GRIK4: variants seen among roughly 807,000 people sequenced by gnomAD.
GRIK4 encodes glutamate ionotropic receptor kainate type subunit 4, also known as glutamate receptor ionotropic, kainate 4.
A neutral mutation model predicts 104.9 loss-of-function variants in GRIK4; 40 were observed. The observed-to-expected ratio is 0.38, with a 90% CI of 0.30 to 0.50. GRIK4 has a LOEUF of 0.50. Ranked by LOEUF, GRIK4 falls within the 20% of genes least tolerant of loss-of-function variation. The pLI, the probability that GRIK4 is intolerant of heterozygous loss-of-function variation, is 0.93. For synonymous variants in GRIK4, 485 were observed against 524.9 expected, an observed-to-expected ratio of 0.92 and a Z score of 1.04; for missense variants, 1,047 against 1,308.1, an observed-to-expected ratio of 0.80 and a Z score of 3.08.
intron 2 of GRIK4, among the ~76,000 whole-genome samples, chr11:120,655,166 G>A (rs1565275440): frequency 6.6e-6 from 1 of 152,058 alleles, no homozygotes; most frequent in Non-Finnish European, 1.5e-5. Context: ...TAGGTAGGAT[G>A]TGTGTCCCAG....
intron 9 of GRIK4, among the ~76,000 whole-genome samples, chr11:120,867,688 G>A (rs3802912): frequency 0.35 from 52,745 of 151,540 alleles, 9,719 homozygotes; most frequent in East Asian, 0.46. Flanking sequence ...TGAACTGAGA[G>A]GTAACCAGGA....
At chr11:120,548,419 C>G (rs376242704) in intron 1 of GRIK4, among the ~76,000 whole-genome samples, 1 of 151,854 alleles carries the variant, frequency 6.6e-6, no homozygotes, top group African/African-American at 2.4e-5. Flanking sequence ...GGGGATGGCC[C>G]CAGCAAAGGC....
intron 3 of GRIK4, among the ~76,000 whole-genome samples, chr11:120,700,269 T>C (rs965733684): frequency 6.5e-4 from 94 of 144,882 alleles, no homozygotes; most frequent in African/African-American, 1.7e-3. Flanking sequence ...TACTACTTTT[T>C]TTTTTTTTTT....
intron 6 of GRIK4, among the ~76,000 whole-genome samples, chr11:120,830,848 C>T (rs1490341218): frequency 6.6e-6 from 1 of 152,100 alleles, no homozygotes; most frequent in Non-Finnish European, 1.5e-5. Flanking sequence ...CACTCTGCCT[C>T]CTGCACCCCC....
intron 3 of GRIK4, among the ~76,000 whole-genome samples, chr11:120,720,255 A>C (rs1950906838): frequency 6.6e-6 from 1 of 152,166 alleles, no homozygotes. Flanking sequence ...ACAGCGTATT[A>C]AGGTCTGCTG....
At chr11:120,542,004 G>T (rs771866679) in intron 1 of GRIK4, among the ~76,000 whole-genome samples, 10 of 151,612 alleles carry the variant, frequency 6.6e-5, no homozygotes, top group Non-Finnish European at 1.0e-4. Flanking sequence ...ACCTCAAATA[G>T]CCAAAACAGT....
At chr11:120,655,111 A>T (rs1949685093) in intron 2 of GRIK4, among the ~76,000 whole-genome samples, 1 of 151,952 alleles carries the variant, frequency 6.6e-6, no homozygotes, top group African/African-American at 2.4e-5. Flanking sequence ...TATGTGCCAG[A>T]TAGGGTGCTG....
chr11:120,714,858 C>G (rs1330802674), intron 3 of GRIK4, among the ~76,000 whole-genome samples: 1 of 152,072 alleles, frequency 6.6e-6, no homozygotes, highest in African/African-American at 2.4e-5. Context: ...TCTTAGGAGT[C>G]TTGTTAAGGA....
chr11:120,805,373 G>A (rs533993083), intron 4 of GRIK4, among the ~76,000 whole-genome samples: 11 of 152,296 alleles, frequency 7.2e-5, no homozygotes, highest in East Asian at 3.9e-4. Flanking sequence ...GGATGGCATC[G>A]TTAGCAGATG....
At chr11:120,960,870 G>A in intron 16 of GRIK4, 39 bp from the exon 17 acceptor site, 1 of 1,572,650 alleles carries the variant, frequency 6.4e-7, no homozygotes, top group Non-Finnish European at 8.7e-7. Flanking sequence ...TCCAGGGAGT[G>A]CCCGGGCAAT....
chr11:120,924,447 A>T (rs1565441993), intron 13 of GRIK4, among the ~76,000 whole-genome samples: 1 of 152,138 alleles, frequency 6.6e-6, no homozygotes, highest in Non-Finnish European at 1.5e-5. Context: ...TGAAATAGAC[A>T]TATAGAAAAG....
intron 16 of GRIK4, among the ~76,000 whole-genome samples, chr11:120,960,156 C>T (rs977355470): frequency 4.6e-5 from 7 of 152,202 alleles, no homozygotes; most frequent in African/African-American, 1.7e-4. Flanking sequence ...CAGTGAAACC[C>T]CGTCTCTACT....
Position 120,905,371 on chromosome 11 carries a change from C to G in GRIK4, c.1354C>G (p.Leu452Val). ...CTACGAGGGCTTCTGTGTGGACATG[C>G]TCAAGGAGCTGGCAGAGATCCTCCG... The part of the protein sequence containing the change: ...DRYEGFCVDM[L>V]KELAEILRFN... The change falls in exon 13 of 21, where the codon CTC becomes GTC. Residue 452 changes from leucine (L) to valine (V), a missense_variant. Around this residue, in one of 3 missense-constraint regions of GRIK4, gnomAD observed 440 missense variants for 652.3 expected, o/e 0.67. Transcript: ENST00000527524. This position sits in a 1 kb window ranked among gnomAD's most constrained non-coding sequence, Gnocchi z 5.1. 1.9e-6 allele frequency: 3 copies of G among 1,613,928 alleles called. No individual in the cohort carries two copies. Among genetic ancestry groups the G allele is most frequent in the Non-Finnish European group, 1.7e-6 (2 of 1,179,766 alleles).
At chr11:120,557,495 C>T (rs1948198899) in intron 1 of GRIK4, among the ~76,000 whole-genome samples, 1 of 152,164 alleles carries the variant, frequency 6.6e-6, no homozygotes, top group Non-Finnish European at 1.5e-5. Context: ...ATTAATTTTG[C>T]AAGTAAAATT....
At chr11:120,620,650 T>C (rs979274951) in intron 1 of GRIK4, among the ~76,000 whole-genome samples, 2 of 152,236 alleles carry the variant, frequency 1.3e-5, no homozygotes, top group South Asian at 4.1e-4. Context: ...AAGCTTTTAA[T>C]GTAGCTGTTC....
At chr11:120,785,271 G>C (rs998230718) in intron 3 of GRIK4, among the ~76,000 whole-genome samples, 1 of 152,188 alleles carries the variant, frequency 6.6e-6, no homozygotes, top group African/African-American at 2.4e-5. Flanking sequence ...GTGCTGGCTG[G>C]CTGAGCTTGC....
intron 3 of GRIK4, among the ~76,000 whole-genome samples, chr11:120,723,996 A>T (rs989994245): frequency 6.6e-6 from 1 of 151,402 alleles, no homozygotes. Flanking sequence ...GCAACCACTG[A>T]TCTGTTTTCT....
intron 3 of GRIK4, among the ~76,000 whole-genome samples, chr11:120,689,209 A>C (rs1950318910): frequency 6.6e-6 from 1 of 152,000 alleles, no homozygotes; most frequent in African/African-American, 2.4e-5. Context: ...ATTCTATGGA[A>C]ACCGGAAGTT....
intron 3 of GRIK4, among the ~76,000 whole-genome samples, chr11:120,721,759 A>G (rs1236425197): frequency 6.6e-6 from 1 of 152,158 alleles, no homozygotes; most frequent in Non-Finnish European, 1.5e-5. Flanking sequence ...TTGTTCTCAG[A>G]AAATGCCCTT....
Sources: gnomAD v4.1 joint callset for allele counts (sites outside exome capture counted in the v4.1 genomes callset) on GRCh38, gnomAD v4.1.1 for gene constraint, gnomAD v4.1.1 regional missense constraint, Gnocchi (gnomAD v3.1) non-coding constraint, MANE v1.5 for transcripts, NCBI Gene and HGNC (gene_info 2026-07-23, HGNC 2026-07-21) for gene names.